The following C1GALT1 variants were observed in gnomAD, a reference collection of about 807,000 sequenced individuals.
The protein encoded by C1GALT1 is core 1 synthase, glycoprotein-N-acetylgalactosamine 3-beta-galactosyltransferase 1.
Under a neutral mutation model 31.0 loss-of-function variants are expected in C1GALT1, and 11 were observed. That is an observed-to-expected ratio of 0.36 (90% CI 0.22 to 0.59). The LOEUF is 0.59. Ranked by LOEUF, C1GALT1 falls within the 20% of genes least tolerant of loss-of-function variation. The pLI is 0.79. For missense variants in C1GALT1, 424 were observed against 425.2 expected, an observed-to-expected ratio of 1.00 and a Z score of 0.03; for synonymous variants, 175 against 143.6, an observed-to-expected ratio of 1.22 and a Z score of -1.56.
chr7:7,189,233 T>A (rs1266493801), intron 1 of C1GALT1, among the ~76,000 whole-genome samples: 1 of 152,154 alleles, frequency 6.6e-6, no homozygotes, highest in Non-Finnish European at 1.5e-5. Flanking sequence ...GTCTTATGGT[T>A]ATGGCTGTCG....
intron 2 of C1GALT1, among the ~76,000 whole-genome samples, chr7:7,235,791 G>C (rs1399433072): frequency 1.3e-5 from 2 of 152,258 alleles, no homozygotes; most frequent in South Asian, 4.1e-4. Flanking sequence ...ATTACCATCT[G>C]TCTGTGCCAG....
intron 1 of C1GALT1, among the ~76,000 whole-genome samples, chr7:7,216,187 A>G (rs372445231): frequency 6.6e-6 from 1 of 152,186 alleles, no homozygotes; most frequent in East Asian, 1.9e-4. Context: ...CAAGCTGAAG[A>G]TAATTTATTA....
chr7:7,238,996 G>T lies in C1GALT1; in HGVS notation c.888+74G>T. ...TTTGTTGATAAAAACATGTTAATAT[G>T]TGTATGTTTCTTTAGTACCAACAAC... On this transcript the variant is annotated intron_variant, in intron 3 of 3. Transcript: ENST00000436587. The surrounding 1 kb of genome is among the most constrained non-coding windows in gnomAD (Gnocchi z 5.2). 9 of 1,217,952 alleles carry T rather than the reference G, an allele frequency of 7.4e-6. No individual in the cohort carries two copies. Among genetic ancestry groups the T allele is most frequent in the Non-Finnish European group, 9.2e-6 (8 of 871,518 alleles). 75.4% of individuals were successfully genotyped at this position (1,217,952 alleles called of 1,614,324 possible).
intron 1 of C1GALT1, among the ~76,000 whole-genome samples, chr7:7,184,866 A>G (rs1780743475): frequency 6.6e-6 from 1 of 152,256 alleles, no homozygotes; most frequent in Admixed American, 6.5e-5. Context: ...AAGGTATGAC[A>G]AAAATCTTTT....
At chr7:7,222,449 G>C (rs955491147) in intron 1 of C1GALT1, among the ~76,000 whole-genome samples, 3 of 152,142 alleles carry the variant, frequency 2.0e-5, no homozygotes, top group Admixed American at 6.5e-5. Flanking sequence ...TGTGTATCTT[G>C]AGTCAGATTT....
chr7:7,240,232 CACT>C (rs1322016326), intron 3 of C1GALT1, among the ~76,000 whole-genome samples: 1 of 152,110 alleles, frequency 6.6e-6, no homozygotes, highest in Admixed American at 6.5e-5. Context: ...GGTAGAAACC[CACT>C]ACATTATAAA....
At position 7,244,482 on chromosome 7, in the gene C1GALT1, A is replaced by C. The variant is rs929062150; in HGVS notation, c.*755A>C. On this transcript the variant is annotated 3_prime_UTR_variant, in exon 4 of 4. Coordinates refer to ENST00000436587, the MANE Select transcript of C1GALT1 (RefSeq NM_020156.5). ...CCACTATTAACATTAATTTACTCAA[A>C]CCGTTCATAGCATTCTGTAAACATG... 10 of 152,034 alleles carry C rather than the reference A, an allele frequency of 6.6e-5. No homozygotes were observed. Among genetic ancestry groups the C allele is most frequent in the African/African-American group, 2.2e-4 (9 of 41,390 alleles). 9.4% of individuals were successfully genotyped at this position (152,034 alleles called of 1,614,324 possible).
Position 7,247,612 on chromosome 7 carries a change from C to T in C1GALT1, c.*3885C>T, listed in dbSNP as rs561876898. 1 of 152,202 alleles carries T rather than the reference C, an allele frequency of 6.6e-6. No individual in the cohort carries two copies. Among genetic ancestry groups the T allele is most frequent in the Non-Finnish European group, 1.5e-5 (1 of 67,936 alleles). The allele number at this position is 152,202 out of a possible 1,614,324, so 9.4% of individuals were successfully genotyped here. A position where few individuals can be genotyped will look rare whatever the true frequency, so the allele number is the denominator to read the frequency against. ...AACTATAGTTACTACCAGGTTGATGCACTGTACTTGAAAGAATCCCTTGAT... is the reference window on the plus strand; with the variant it reads ...AACTATAGTTACTACCAGGTTGATGTACTGTACTTGAAAGAATCCCTTGAT... On this transcript the variant is annotated 3_prime_UTR_variant, in exon 4 of 4. Transcript: ENST00000436587.
chr7:7,167,471 A>C (rs1427028547), intron 2 of C1GALT1, among the ~76,000 whole-genome samples: 2 of 152,198 alleles, frequency 1.3e-5, no homozygotes, highest in Non-Finnish European at 2.9e-5. Flanking sequence ...AAAATATATA[A>C]ACAATGATAA....
intron 1 of C1GALT1, among the ~76,000 whole-genome samples, chr7:7,198,720 T>C (rs1781406419): frequency 6.6e-6 from 1 of 152,212 alleles, no homozygotes; most frequent in African/African-American, 2.4e-5. Context: ...GAACCTGTTA[T>C]TGGTCTGTTC....
intron 1 of C1GALT1, among the ~76,000 whole-genome samples, chr7:7,227,959 C>G (rs1045391469): frequency 6.6e-6 from 1 of 152,072 alleles, no homozygotes; most frequent in African/African-American, 2.4e-5. Context: ...TTATAAATAC[C>G]AGAAAATGGA....
chr7:7,163,748 C>G (rs547207446), intron 2 of C1GALT1, among the ~76,000 whole-genome samples: 300 of 152,208 alleles, frequency 2.0e-3, no homozygotes, highest in Middle Eastern at 3.4e-3. Flanking sequence ...ACCTAGGAAT[C>G]CAACTTACAA....
chr7:7,228,883 CTG>C (rs1053060210), intron 1 of C1GALT1, among the ~76,000 whole-genome samples: 5 of 152,358 alleles, frequency 3.3e-5, no homozygotes, highest in Admixed American at 3.3e-4. Flanking sequence ...CTAAGAAAAA[CTG>C]TGTCCATAAG....
At chr7:7,190,325 G>A (rs1005736803) in intron 1 of C1GALT1, among the ~76,000 whole-genome samples, 1 of 151,566 alleles carries the variant, frequency 6.6e-6, no homozygotes, top group Non-Finnish European at 1.5e-5. Context: ...ACAAAATCGC[G>A]ATACATGTGG....
intron 1 of C1GALT1, among the ~76,000 whole-genome samples, chr7:7,198,429 G>A (rs186167698): frequency 1.3e-5 from 2 of 152,318 alleles, no homozygotes; most frequent in Admixed American, 6.5e-5. Flanking sequence ...GCTGGATTCA[G>A]TTTGGCAGTA....
At chr7:7,212,433 A>C (rs1375471494) in intron 1 of C1GALT1, among the ~76,000 whole-genome samples, 3 of 152,196 alleles carry the variant, frequency 2.0e-5, no homozygotes, top group Admixed American at 1.3e-4. Flanking sequence ...ATGGATTCTT[A>C]CTGCACTAAT....
chr7:7,239,109 T>G, intron 3 of C1GALT1, 187 bp downstream of exon 3: 1 of 582,230 alleles, frequency 1.7e-6, no homozygotes, highest in South Asian at 2.3e-5. Flanking sequence ...AGTAGTCACT[T>G]AGCAAATAGC....
intron 1 of C1GALT1, among the ~76,000 whole-genome samples, chr7:7,185,248 T>C (rs1780763305): frequency 6.6e-6 from 1 of 152,128 alleles, no homozygotes; most frequent in Admixed American, 6.5e-5. Context: ...CGAGAGGCAA[T>C]ATTAGGGAGA....
At chr7:7,199,882 C>A (rs1250981706) in intron 1 of C1GALT1, among the ~76,000 whole-genome samples, 6 of 151,450 alleles carry the variant, frequency 4.0e-5, no homozygotes, top group African/African-American at 1.5e-4. Context: ...TTTTTGTTTT[C>A]CATTTGCTTG....
Sources: allele counts gnomAD v4.1 joint callset (sites outside exome capture counted in the v4.1 genomes callset), GRCh38; gene constraint gnomAD v4.1.1; non-coding constraint Gnocchi (gnomAD v3.1); transcripts MANE v1.5; gene names NCBI Gene and HGNC (gene_info 2026-07-23, HGNC 2026-07-21).